TRPM3: variants seen among roughly 807,000 people sequenced by gnomAD.
TRPM3 encodes the protein long transient receptor potential channel 3.
In TRPM3, 77 loss-of-function variants were observed where a neutral mutation model predicts 181.2. The observed-to-expected ratio is 0.42, with a 90% CI of 0.35 to 0.51. TRPM3 has a LOEUF of 0.51. Ranked by LOEUF, TRPM3 falls within the 20% of genes least tolerant of loss-of-function variation. The pLI is 0.01. For missense variants in TRPM3, 1,759 were observed against 2,196.7 expected, an observed-to-expected ratio of 0.80 and a Z score of 3.98; for synonymous variants, 745 against 796.4, an observed-to-expected ratio of 0.94 and a Z score of 1.09.
At chr9:70,548,847 G>GCTCGCT (rs2045737106) in intron 25 of TRPM3, among the ~76,000 whole-genome samples, 1 of 150,062 alleles carries the variant, frequency 6.7e-6, no homozygotes, top group South Asian at 2.1e-4. Flanking sequence ...AAGATCTTGT[G>GCTCGCT]CTCTCTCTCT....
chr9:71,179,110 G>A (rs1334764146), intron 1 of TRPM3, among the ~76,000 whole-genome samples: 1 of 152,098 alleles, frequency 6.6e-6, no homozygotes, highest in Non-Finnish European at 1.5e-5. Flanking sequence ...CTATATTCTA[G>A]GTTTCTCCTG....
chr9:71,058,685 C>T (rs2060950270), intron 1 of TRPM3, among the ~76,000 whole-genome samples: 1 of 152,022 alleles, frequency 6.6e-6, no homozygotes, highest in Non-Finnish European at 1.5e-5. Flanking sequence ...GTTAAATTAA[C>T]TTAAATTTGG....
chr9:71,218,136 G>A (rs1320412662), intron 1 of TRPM3, among the ~76,000 whole-genome samples: 2 of 152,092 alleles, frequency 1.3e-5, no homozygotes, highest in African/African-American at 4.8e-5. Context: ...TTAATTTATG[G>A]CAGTCTGGGT....
intron 9 of TRPM3, among the ~76,000 whole-genome samples, chr9:70,681,273 T>C (rs764916896): frequency 1.5e-4 from 23 of 152,170 alleles, no homozygotes; most frequent in Non-Finnish European, 2.9e-4. Context: ...TTATAATTCA[T>C]GGACATAACT....
chr9:70,946,923 C>A (rs2096939988), intron 1 of TRPM3, among the ~76,000 whole-genome samples: 1 of 152,186 alleles, frequency 6.6e-6, no homozygotes. Flanking sequence ...TGCTATACAG[C>A]ATCCACCTGT....
intron 1 of TRPM3, among the ~76,000 whole-genome samples, chr9:71,129,340 T>C (rs1411836837): frequency 6.6e-6 from 1 of 152,202 alleles, no homozygotes; most frequent in Non-Finnish European, 1.5e-5. Flanking sequence ...GAGAAACAGA[T>C]TTGAATCCAC....
chr9:71,398,434 T>G (rs1371770533), intron 1 of TRPM3, among the ~76,000 whole-genome samples: 3 of 152,222 alleles, frequency 2.0e-5, no homozygotes, highest in Non-Finnish European at 1.5e-5. Context: ...AATCTCATGT[T>G]GAACTATAAT....
At chr9:70,833,515 G>C (rs928402236) in intron 5 of TRPM3, among the ~76,000 whole-genome samples, 3 of 152,084 alleles carry the variant, frequency 2.0e-5, no homozygotes, top group African/African-American at 7.2e-5. Context: ...ATTTCCCAAG[G>C]ATTAACCCAT....
intron 7 of TRPM3, among the ~76,000 whole-genome samples, chr9:70,763,375 G>A (rs1383216165): frequency 6.6e-6 from 1 of 152,034 alleles, no homozygotes; most frequent in East Asian, 1.9e-4. Context: ...GTTGGGCATG[G>A]TGGTGCATGC....
chr9:70,787,763 C>CTTTTTTTTTTTTTTTTTTTTTTT, intron 6 of TRPM3, among the ~76,000 whole-genome samples: 5 of 68,558 alleles, frequency 7.3e-5, no homozygotes, highest in East Asian at 6.0e-4. Context: ...TTTTTGGATT[C>CTTTTTTTTTTTTTTTTTTTTTTT]TTTTTTTTTT....
chr9:70,757,354 C>A (rs1372371259), intron 8 of TRPM3, among the ~76,000 whole-genome samples: 1 of 152,146 alleles, frequency 6.6e-6, no homozygotes, highest in Non-Finnish European at 1.5e-5. Context: ...AGCCTACCAA[C>A]CAATAAAAGC....
intron 1 of TRPM3, among the ~76,000 whole-genome samples, chr9:71,156,436 A>G (rs961261889): frequency 1.3e-5 from 2 of 148,926 alleles, no homozygotes; most frequent in African/African-American, 4.9e-5. Flanking sequence ...TTATCACCGT[A>G]CCTGGTAAAT....
At chr9:70,838,329 G>T (rs1421014820) in intron 5 of TRPM3, among the ~76,000 whole-genome samples, 1 of 152,078 alleles carries the variant, frequency 6.6e-6, no homozygotes, top group Non-Finnish European at 1.5e-5. Context: ...GGGACCTTTG[G>T]AGGTGATCAG....
intron 1 of TRPM3, among the ~76,000 whole-genome samples, chr9:71,106,074 G>A (rs926671550): frequency 6.6e-5 from 10 of 152,112 alleles, no homozygotes; most frequent in Non-Finnish European, 1.2e-4. Flanking sequence ...TAGGATACCT[G>A]TTAGCAGCTT....
chr9:71,296,941 G>A (rs186295379), intron 1 of TRPM3, among the ~76,000 whole-genome samples: 7 of 150,818 alleles, frequency 4.6e-5, no homozygotes, highest in South Asian at 2.1e-4. Context: ...GATTTAAAGC[G>A]ATGAAAATTG....
chr9:70,981,227 T>C (rs768198275), intron 1 of TRPM3, among the ~76,000 whole-genome samples: 8 of 152,202 alleles, frequency 5.3e-5, no homozygotes, highest in Non-Finnish European at 1.2e-4. Flanking sequence ...TGAAAACTGT[T>C]CTGTTGATTT....
chr9:71,125,828 A>G (rs1277890197), upstream of TRPM3, among the ~76,000 whole-genome samples: 1 of 152,224 alleles, frequency 6.6e-6, no homozygotes, highest in Non-Finnish European at 1.5e-5. Flanking sequence ...TTTCATGACG[A>G]ACATGTCAAA....
chr9:71,121,696 C>G (rs2073671278), upstream of TRPM3: 1 of 1,042,964 alleles, frequency 9.6e-7, no homozygotes, highest in Admixed American at 5.2e-5. Flanking sequence ...CATTGCTTTG[C>G]TAGCTTGGTT....
intron 1 of TRPM3, among the ~76,000 whole-genome samples, chr9:70,993,669 G>C (rs970683965): frequency 6.6e-6 from 1 of 151,930 alleles, no homozygotes; most frequent in Admixed American, 6.6e-5. Flanking sequence ...TGACACCAAG[G>C]GGGTGCGTGA....
Sources: allele counts gnomAD v4.1 joint callset (sites outside exome capture counted in the v4.1 genomes callset), GRCh38; gene constraint gnomAD v4.1.1; transcripts MANE v1.5; gene names NCBI Gene and HGNC (gene_info 2026-07-23, HGNC 2026-07-21).